The following DOCK1 variants were observed in gnomAD, a reference collection of about 807,000 sequenced individuals.
DOCK1 encodes the protein dedicator of cytokinesis 1, also known as dedicator of cytokinesis protein 1.
In DOCK1, 138 loss-of-function variants were observed where a neutral mutation model predicts 262.7. The observed-to-expected ratio is 0.53, with a 90% CI of 0.46 to 0.61. The LOEUF is 0.61. Among genes scored for constraint, DOCK1 ranks in the 20% least tolerant of loss-of-function variants. The pLI, the probability that DOCK1 is intolerant of heterozygous loss-of-function variation, is 0.00. For synonymous variants in DOCK1, 866 were observed against 867.4 expected, an observed-to-expected ratio of 1.00 and a Z score of 0.03; for missense variants, 1,908 against 2,370.7, an observed-to-expected ratio of 0.80 and a Z score of 4.05.
chr10:127,365,624 A>C (rs1051334622), intron 33 of DOCK1, among the ~76,000 whole-genome samples: 1 of 152,166 alleles, frequency 6.6e-6, no homozygotes, highest in Non-Finnish European at 1.5e-5. Context: ...ACATCATTCT[A>C]TTTGTCATTT....
intron 40 of DOCK1, among the ~76,000 whole-genome samples, chr10:127,408,053 A>G (rs1428527463): frequency 6.6e-6 from 1 of 152,058 alleles, no homozygotes; most frequent in Non-Finnish European, 1.5e-5. Flanking sequence ...TGAAATCGGG[A>G]AAAAAACGGA....
At chr10:127,312,485 T>C (rs547503633) in intron 29 of DOCK1, among the ~76,000 whole-genome samples, 2 of 152,274 alleles carry the variant, frequency 1.3e-5, no homozygotes, top group East Asian at 3.9e-4. Flanking sequence ...GAAAGCCCAA[T>C]GAATTGGGAT....
intron 23 of DOCK1, among the ~76,000 whole-genome samples, chr10:127,074,071 G>C (rs530828033): frequency 6.6e-6 from 1 of 152,272 alleles, no homozygotes; most frequent in Non-Finnish European, 1.5e-5. Flanking sequence ...AGGGAAAAAG[G>C]AATATTTCAT....
chr10:127,257,389 T>G lies in DOCK1; in HGVS notation c.3004T>G (p.Tyr1002Asp). ...TAAGAACCTCATTGGAAAGAACGTT[T>G]ACCCCTTCGACTGGGTGATCATGAA... ...MFKNLIGKNV[Y>D]PFDWVIMNMV... The change falls in exon 29 of 52, where the codon TAC becomes GAC. Residue 1002 changes from tyrosine to aspartate, a missense_variant. Tyr to Asp is a radical substitution (Grantham distance 160). This residue lies in a region of DOCK1 where 518 missense variants were observed against 575.1 expected (regional missense o/e 0.90). Coordinates refer to ENST00000623213, the MANE Select transcript of DOCK1 (RefSeq NM_001290223.2). 6.2e-7 allele frequency: 1 copy of G among 1,608,318 alleles called. No homozygotes were observed. Among genetic ancestry groups the G allele is most frequent in the Non-Finnish European group, 8.5e-7 (1 of 1,176,962 alleles).
At chr10:127,283,555 A>T (rs568977415) in intron 29 of DOCK1, among the ~76,000 whole-genome samples, 14 of 152,340 alleles carry the variant, frequency 9.2e-5, no homozygotes, top group Admixed American at 5.9e-4. Flanking sequence ...ATGTAATCCT[A>T]TTATGGTTGC....
intron 29 of DOCK1, among the ~76,000 whole-genome samples, chr10:127,337,410 T>G (rs1405697540): frequency 6.6e-6 from 1 of 152,242 alleles, no homozygotes; most frequent in Non-Finnish European, 1.5e-5. Flanking sequence ...AAGCATGTCC[T>G]GAATTTTGCA....
chr10:126,989,695 T>G (rs2039661095), intron 5 of DOCK1, among the ~76,000 whole-genome samples: 1 of 152,222 alleles, frequency 6.6e-6, no homozygotes, highest in Non-Finnish European at 1.5e-5. Context: ...TGAGTTATTT[T>G]CCTTCAGATA....
chr10:127,439,525 C>A (rs974664140), intron 49 of DOCK1, among the ~76,000 whole-genome samples: 1 of 152,180 alleles, frequency 6.6e-6, no homozygotes, highest in Non-Finnish European at 1.5e-5. Context: ...TACACATGTC[C>A]TAATATCCCA....
At chr10:127,126,428 TA>T (rs2049966296) in intron 26 of DOCK1, among the ~76,000 whole-genome samples, 1 of 146,022 alleles carries the variant, frequency 6.8e-6, no homozygotes. Context: ...GGGACTTTTT[TA>T]AAAATCAGAA....
intron 1 of DOCK1, among the ~76,000 whole-genome samples, chr10:126,944,593 G>A (rs1318150140): frequency 1.3e-5 from 2 of 152,098 alleles, no homozygotes; most frequent in African/African-American, 2.4e-5. Flanking sequence ...ACCGGGGAGC[G>A]GAGGCCCAGG....
intron 33 of DOCK1, among the ~76,000 whole-genome samples, chr10:127,366,266 G>A (rs978417025): frequency 3.3e-5 from 5 of 152,044 alleles, no homozygotes; most frequent in African/African-American, 1.2e-4. Context: ...AATCCCTCTT[G>A]TATGTTAATC....
At chr10:127,406,052 A>AGT (rs1381288580) in intron 40 of DOCK1, among the ~76,000 whole-genome samples, 2 of 152,118 alleles carry the variant, frequency 1.3e-5, no homozygotes. Context: ...CTTTAATTCG[A>AGT]GTGTGTGTGT....
intron 27 of DOCK1, among the ~76,000 whole-genome samples, chr10:127,152,656 C>T (rs1283455936): frequency 6.6e-6 from 1 of 152,242 alleles, no homozygotes; most frequent in Non-Finnish European, 1.5e-5. Flanking sequence ...AGCAGCATTC[C>T]TGGCCTCTAC....
intron 29 of DOCK1, among the ~76,000 whole-genome samples, chr10:127,303,154 A>T (rs1294338927): frequency 6.6e-6 from 1 of 152,226 alleles, no homozygotes; most frequent in Admixed American, 6.5e-5. Context: ...CTCGAAATAC[A>T]GTACAAAACT....
At chr10:127,335,729 T>C (rs1268448205) in intron 29 of DOCK1, among the ~76,000 whole-genome samples, 4 of 150,454 alleles carry the variant, frequency 2.7e-5, no homozygotes, top group Admixed American at 2.0e-4. Context: ...TTTTTTTTTT[T>C]CTTGAGATGG....
intron 35 of DOCK1, among the ~76,000 whole-genome samples, chr10:127,377,909 AG>A (rs1395213563): frequency 4.0e-5 from 6 of 150,090 alleles, no homozygotes; most frequent in African/African-American, 9.8e-5. Flanking sequence ...AAAAAAAAAA[AG>A]AAGAAAGAAA....
intron 23 of DOCK1, among the ~76,000 whole-genome samples, chr10:127,065,041 G>A (rs1049428244): frequency 6.6e-6 from 1 of 151,892 alleles, no homozygotes; most frequent in African/African-American, 2.4e-5. Context: ...ACGGAGACTC[G>A]CTCAGTCTCC....
intron 16 of DOCK1, among the ~76,000 whole-genome samples, chr10:127,030,366 G>A (rs553959749): frequency 2.6e-5 from 4 of 152,052 alleles, no homozygotes; most frequent in Admixed American, 6.6e-5. Context: ...GTCCTTCCCC[G>A]CCTTTGGCCC....
intron 29 of DOCK1, among the ~76,000 whole-genome samples, chr10:127,275,441 A>G (rs182229683): frequency 6.6e-6 from 1 of 152,252 alleles, no homozygotes; most frequent in East Asian, 1.9e-4. Flanking sequence ...GAAGGCATGG[A>G]AGGAGGTAGG....
Sources: gnomAD v4.1 joint callset for allele counts (sites outside exome capture counted in the v4.1 genomes callset) on GRCh38, gnomAD v4.1.1 for gene constraint, gnomAD v4.1.1 regional missense constraint, MANE v1.5 for transcripts, NCBI Gene and HGNC (gene_info 2026-07-23, HGNC 2026-07-21) for gene names.